Variants in PRSS57 observed in about 807,000 individuals in gnomAD.
PRSS57 encodes the protein neutrophil serine protease 4.
PRSS57 carries 19 observed loss-of-function variants against 20.6 expected under a neutral mutation model. That is an observed-to-expected ratio of 0.92 (90% CI 0.64 to 1.35). The LOEUF (loss-of-function observed/expected upper bound fraction) is 1.35. PRSS57 is among the 40% of genes most tolerant of loss of function. The probability of loss-of-function intolerance (pLI) is 0.00; values close to 1 mark genes in which losing one functional copy is unlikely to be tolerated. For synonymous variants in PRSS57, 203 were observed against 176.6 expected, an observed-to-expected ratio of 1.15 and a Z score of -1.19; for missense variants, 440 against 403.7, an observed-to-expected ratio of 1.09 and a Z score of -0.77.
rs2031747255 is a variant in PRSS57, at chr19:694,933, C to T, written c.114G>A (p.Glu38=). Reference sequence around the variant, plus strand: ...TGTAGGGCCTGGAGTGGGGGGTCACCTCGTGGCCCCCGATGATCTGGGCCC... The same window carrying T: ...TGTAGGGCCTGGAGTGGGGGGTCACTTCGTGGCCCCCGATGATCTGGGCCC... ...SWGAQIIGGH[E]VTPHSRPYMA... is the part of the protein sequence containing the mutation. The change falls in exon 2 of 5, where the codon GAG becomes GAA. Residue 38 remains glutamate (E), a synonymous_variant. Coordinates refer to ENST00000329267, the MANE Select transcript of PRSS57 (RefSeq NM_001308209.2). 2 of 1,578,412 alleles carry T rather than the reference C, an allele frequency of 1.3e-6. No individual in the cohort carries two copies. Among genetic ancestry groups the T allele is most frequent in the African/African-American group, 1.4e-5 (1 of 73,666 alleles).
rs754553103 is a variant in PRSS57, at chr19:685,920, G to A, written c.645C>T (p.Ala215=). ...GDSHRRGFCS[A]DSGGPLVCRN... is the part of the protein sequence containing the mutation. ...TGCACACCAGGGGCCCTCCGGAGTC[G>A]GCCTGGAGTGAAAGGAGAGGTGAGG... The change falls in exon 5 of 5, where the codon GCC becomes GCT. Residue 215 remains alanine (A), a splice_region_variant and synonymous_variant. Transcript: ENST00000329267. 9.1e-6 allele frequency: 14 copies of A among 1,536,694 alleles called. No individual in the cohort carries two copies. The highest frequency in any genetic ancestry group is 4.1e-5 in the African/African-American group (3 of 72,844).
At position 694,804 on chromosome 19, in the gene PRSS57, G is replaced by C. The variant is rs373391217; in HGVS notation, c.233+10C>G. ...TGTCCAGAAAGAAGGGGCCCGACAG[G>C]TGAGCTCACCTGTGGCTGAAGCAGT... is the stretch of plus-strand genomic sequence containing the variant. On this transcript the variant is annotated intron_variant, in intron 2 of 4. Coordinates refer to ENST00000329267, the MANE Select transcript of PRSS57 (RefSeq NM_001308209.2). 3.1e-6 allele frequency: 5 copies of C among 1,603,566 alleles called. No individual in the cohort carries two copies. In the African/African-American group the frequency reaches 6.7e-5, roughly 22 times the overall value.
intron 3 of PRSS57, among the ~76,000 whole-genome samples, chr19:690,048 G>A (rs776012137): frequency 6.0e-5 from 9 of 149,182 alleles, no homozygotes; most frequent in East Asian, 2.0e-4. Flanking sequence ...GTGAGACTCC[G>A]TCTCAAAAAA....
rs2031744708 is a variant in PRSS57, at chr19:694,886, C to T, written c.161G>A (p.Gly54Asp). The change falls in exon 2 of 5, where the codon GGC becomes GAC. Residue 54 changes from glycine to aspartate, a missense_variant. Transcript: ENST00000329267. The part of the protein sequence containing the change: ...RPYMASVRFG[G>D]QHHCGGFLLR... ...CAGGAAGCCTCCGCAGTGATGTTGG[C>T]CCCCGAAGCGCACGGATGCCATGTA... is the stretch of plus-strand genomic sequence containing the variant. The T allele has an allele frequency of 5.6e-6, 9 of 1,603,930 alleles. No individual in the cohort carries two copies. The highest frequency in any genetic ancestry group is 1.3e-5 in the African/African-American group (1 of 74,804).
chr19:692,071 T>A, intron 2 of PRSS57, 69 bp from the exon 3 acceptor site: 1 of 1,237,080 alleles, frequency 8.1e-7, no homozygotes, highest in Non-Finnish European at 1.0e-6. Context: ...TCCACTCATC[T>A]ATGAAACGGA....
At position 686,927 on chromosome 19, in the gene PRSS57, A is replaced by G. The variant is rs2031489677; in HGVS notation, c.640T>C (p.Ser214Pro). The G allele has an allele frequency of 1.2e-6, 2 of 1,612,800 alleles. No homozygotes were observed. Among genetic ancestry groups the G allele is most frequent in the Admixed American group, 1.7e-5 (1 of 59,894 alleles). Residue 214 changes from serine to proline, a missense_variant and splice_region_variant, in exon 4 of 5, where the codon TCG (serine) becomes CCG (proline). Transcript: ENST00000329267. ...SGDSHRRGFC[S>P]ADSGGPLVCR... Reference sequence around the variant, plus strand: ...GTGGAGCAGGGAGGGGATCTTACCGAGCAGAAGCCCCGTCTGTGGCTGTCC... The same window carrying G: ...GTGGAGCAGGGAGGGGATCTTACCGGGCAGAAGCCCCGTCTGTGGCTGTCC...
intron 4 of PRSS57, 94 bp downstream of exon 4, chr19:686,831 G>T: frequency 6.9e-7 from 1 of 1,447,426 alleles, no homozygotes. Context: ...ACATCAATGG[G>T]ACTCAGTTCC....
intron 3 of PRSS57, among the ~76,000 whole-genome samples, chr19:688,666 T>C (rs1160781511): frequency 6.8e-6 from 1 of 148,148 alleles, no homozygotes; most frequent in African/African-American, 2.5e-5. Flanking sequence ...TGGCACGATC[T>C]CGGCTCACGG....
intron 3 of PRSS57, 149 bp downstream of exon 3, chr19:691,709 C>G (rs1238029533): frequency 3.1e-6 from 2 of 636,836 alleles, no homozygotes; most frequent in Non-Finnish European, 4.4e-6. Context: ...ATCCCATGTA[C>G]TTGAGAGGCT....
intron 3 of PRSS57, among the ~76,000 whole-genome samples, chr19:690,005 A>T (rs1210208396): frequency 1.3e-5 from 2 of 151,074 alleles, no homozygotes; most frequent in African/African-American, 4.9e-5. Flanking sequence ...GTGAGCCCTG[A>T]CTGTGCCACT....
At position 695,338 on chromosome 19, in the gene PRSS57, G is replaced by A. The variant is rs758637460; in HGVS notation, c.79+14C>T. 35 of 1,235,426 alleles carry A rather than the reference G, an allele frequency of 2.8e-5. No individual in the cohort carries two copies. The highest frequency in any genetic ancestry group is 3.3e-5 in the Non-Finnish European group (32 of 977,330). The allele number at this position is 1,235,426 out of a possible 1,614,324, so 76.5% of individuals were successfully genotyped here. A position where few individuals can be genotyped will look rare whatever the true frequency, so the allele number is the denominator to read the frequency against. On this transcript the variant is annotated intron_variant, in intron 1 of 4. Coordinates refer to ENST00000329267, the MANE Select transcript of PRSS57 (RefSeq NM_001308209.2). ...TGGCGGGGGCCTGGGTGGGGATCCC[G>A]GGGGGCTCCTCACCGGGGGGCTTCA...
chr19:692,636 C>T (rs187731520), intron 2 of PRSS57, among the ~76,000 whole-genome samples: 36 of 151,690 alleles, frequency 2.4e-4, no homozygotes, highest in Admixed American at 5.9e-4. Flanking sequence ...AGGCTGGTCT[C>T]GAACTCCTGA....
At position 689,945 on chromosome 19, in the gene PRSS57, C is replaced by T. The variant is rs375153958; in HGVS notation, c.378+1913G>A. On this transcript the variant is annotated intron_variant, in intron 3 of 4. Coordinates refer to ENST00000329267, the MANE Select transcript of PRSS57 (RefSeq NM_001308209.2). ...GTGGGTGCCTGTGATCCCAGCTACT[C>T]GGGAGGCCGAGGCAGGAGAATCGCT... 4.0e-5 allele frequency among the ~76,000 whole-genome samples: 6 copies of T among 151,606 alleles called. No homozygotes were observed. The East Asian group carries it at 5.8e-4, about 15-fold the overall frequency.
At chr19:694,442 C>A (rs185459510) in intron 2 of PRSS57, among the ~76,000 whole-genome samples, 497 of 151,546 alleles carry the variant, frequency 3.3e-3, no homozygotes, top group Non-Finnish European at 5.2e-3. Flanking sequence ...GTGGTGGGCG[C>A]CTGTGATCCC....
In PRSS57 at chr19:687,393, G is replaced by C. The variant is rs1479616852; in HGVS notation, c.379-205C>G. 3.9e-5 allele frequency among the ~76,000 whole-genome samples: 6 copies of C among 152,086 alleles called. No individual in the cohort carries two copies. The East Asian group carries it at 1.2e-3, about 29-fold the overall frequency. ...CAGGGTCACCGTCAGCTGCCCAAAG[G>C]GTCTTTCTGTTCTGTTCTTTTCTTT... On this transcript the variant is annotated intron_variant, in intron 3 of 4. Transcript: ENST00000329267.
At chr19:695,122 C>T in intron 1 of PRSS57, 155 bp from the exon 2 acceptor site, 1 of 758,152 alleles carries the variant, frequency 1.3e-6, no homozygotes, top group Middle Eastern at 4.1e-4. Flanking sequence ...CCCAGACAAG[C>T]CCCCCAGATG....
In PRSS57 at chr19:687,017, G is replaced by A. The variant is rs754304975; in HGVS notation, c.550C>T (p.Pro184Ser). The change falls in exon 4 of 5, where the codon CCG becomes TCG. Residue 184 changes from proline (P) to serine (S), a missense_variant. Coordinates refer to ENST00000329267, the MANE Select transcript of PRSS57 (RefSeq NM_001308209.2). ...TTCCAGGAGCTGTTGCAGACGTCCG[G>A]GTCCAGCACTCGGACCTTGGCCTCC... The part of the protein sequence containing the change: ...LMEAKVRVLD[P>S]DVCNSSWKGH... 8 of 1,613,934 alleles carry A rather than the reference G, an allele frequency of 5.0e-6. No homozygotes were observed. Among genetic ancestry groups the A allele is most frequent in the Non-Finnish European group, 6.8e-6 (8 of 1,180,024 alleles).
At chr19:694,047 C>T (rs1239155018) in intron 2 of PRSS57, among the ~76,000 whole-genome samples, 1 of 151,680 alleles carries the variant, frequency 6.6e-6, no homozygotes, top group Non-Finnish European at 1.5e-5. Context: ...GCCTAATTTT[C>T]GTATTTTTAG....
At chr19:690,847 C>T (rs1443162605) in intron 3 of PRSS57, 2 of 352,806 alleles carry the variant, frequency 5.7e-6, no homozygotes, top group Non-Finnish European at 1.1e-5. Flanking sequence ...CCTACACCGT[C>T]CCTGGCAAGG....
Sources: gnomAD v4.1 joint callset for allele counts (sites outside exome capture counted in the v4.1 genomes callset) on GRCh38, gnomAD v4.1.1 for gene constraint, MANE v1.5 for transcripts, NCBI Gene and HGNC (gene_info 2026-07-23, HGNC 2026-07-21) for gene names.